The following NCOA1 variants were observed in gnomAD, a reference collection of about 807,000 sequenced individuals.
NCOA1 encodes nuclear receptor coactivator 1.
In NCOA1, 35 loss-of-function variants were observed where a neutral mutation model predicts 150.9. The observed-to-expected ratio is 0.23, with a 90% CI of 0.18 to 0.31. The LOEUF is 0.31. Among genes scored for constraint, NCOA1 ranks in the 10% least tolerant of loss-of-function variants. The pLI is 1.00. For synonymous variants in NCOA1, 590 were observed against 630.0 expected (o/e 0.94, Z 0.95); for missense variants, 1,491 against 1,749.3 (o/e 0.85, Z 2.63).
chr2:24,599,290 A>C (rs998679729), intron 3 of NCOA1, among the ~76,000 whole-genome samples: 1 of 152,242 alleles, frequency 6.6e-6, no homozygotes, highest in Non-Finnish European at 1.5e-5. Context: ...ATTCTGAGAC[A>C]CAAAATATGG....
At chr2:24,648,426 C>T (rs1265278307) in intron 4 of NCOA1, among the ~76,000 whole-genome samples, 1 of 152,116 alleles carries the variant, frequency 6.6e-6, no homozygotes, top group African/African-American at 2.4e-5. Context: ...GCATCCGCCA[C>T]CACACCTGGC....
chr2:24,580,543 C>A (rs1667154226), intron 2 of NCOA1, among the ~76,000 whole-genome samples: 2 of 152,182 alleles, frequency 1.3e-5, no homozygotes, highest in African/African-American at 4.8e-5. Flanking sequence ...TTCCATTCTA[C>A]TGTTGCATCC....
intron 7 of NCOA1, among the ~76,000 whole-genome samples, chr2:24,681,028 T>A (rs1487134580): frequency 6.6e-6 from 1 of 151,332 alleles, no homozygotes; most frequent in Non-Finnish European, 1.5e-5. Context: ...AAAAAAATGA[T>A]TCTTCCAAAC....
chr2:24,682,297 G>A (rs1672211523), intron 7 of NCOA1, among the ~76,000 whole-genome samples: 1 of 152,116 alleles, frequency 6.6e-6, no homozygotes, highest in African/African-American at 2.4e-5. Context: ...CTCTTCCTCG[G>A]GATACCAGGG....
chr2:24,511,226 T>G (rs1195644441), intron 1 of NCOA1, among the ~76,000 whole-genome samples: 1 of 152,236 alleles, frequency 6.6e-6, no homozygotes, highest in Non-Finnish European at 1.5e-5. Context: ...CCATTTTGAC[T>G]ACTATGAATA....
intron 21 of NCOA1, among the ~76,000 whole-genome samples, chr2:24,759,206 T>G (rs1664652593): frequency 6.6e-6 from 1 of 152,120 alleles, no homozygotes; most frequent in Admixed American, 6.5e-5. Flanking sequence ...ACAAAACTGG[T>G]ATGTAAGAGA....
chr2:24,591,432 G>T (rs72805243), intron 3 of NCOA1, among the ~76,000 whole-genome samples: 4 of 152,110 alleles, frequency 2.6e-5, no homozygotes, highest in Non-Finnish European at 5.9e-5. Flanking sequence ...CTTATAGATT[G>T]TTCTAAGACA....
Position 24,705,074 on chromosome 2 carries a change from T to C in NCOA1, c.950-12T>C, listed in dbSNP as rs1361190737. The C allele has an allele frequency of 1.2e-6, 2 of 1,608,760 alleles. No individual in the cohort carries two copies. The highest frequency in any genetic ancestry group is 2.2e-5 in the East Asian group (1 of 44,834). On this transcript the variant is annotated splice_polypyrimidine_tract_variant and intron_variant, in intron 11 of 22. Transcript: ENST00000348332. Reference sequence around the variant, plus strand: ...CAGAATTTTAACTAGGTTTCTCTTCTGTTTGAAACAGTGATGACTCGTGGC... The same window carrying C: ...CAGAATTTTAACTAGGTTTCTCTTCCGTTTGAAACAGTGATGACTCGTGGC...
chr2:24,627,871 G>A (rs975807533), intron 3 of NCOA1, among the ~76,000 whole-genome samples: 3 of 152,198 alleles, frequency 2.0e-5, no homozygotes, highest in Admixed American at 2.0e-4. Context: ...GAGAGAAATT[G>A]TATTGCAGAA....
intron 1 of NCOA1, among the ~76,000 whole-genome samples, chr2:24,532,381 A>T (rs548914348): frequency 6.6e-6 from 1 of 151,836 alleles, no homozygotes; most frequent in African/African-American, 2.4e-5. Context: ...TATTGCAAAA[A>T]TTTTCTTCCA....
chr2:24,498,417 G>A (rs1006251952), intron 1 of NCOA1, among the ~76,000 whole-genome samples: 2 of 152,198 alleles, frequency 1.3e-5, no homozygotes, highest in Non-Finnish European at 1.5e-5. Context: ...AATAGTAATT[G>A]AATGTGATGA....
intron 3 of NCOA1, among the ~76,000 whole-genome samples, chr2:24,619,694 G>T (rs56173157): frequency 0.01 from 1,542 of 152,272 alleles, 8 homozygotes; most frequent in Non-Finnish European, 0.016. Context: ...CAGGGGGACA[G>T]ATTGGTTTTG....
chr2:24,609,497 A>G (rs368149452), intron 3 of NCOA1, among the ~76,000 whole-genome samples: 7 of 152,160 alleles, frequency 4.6e-5, no homozygotes, highest in East Asian at 1.9e-4. Flanking sequence ...GAGCAGGGCC[A>G]TCCCAGCAAC....
intron 14 of NCOA1, among the ~76,000 whole-genome samples, chr2:24,713,507 A>T (rs1476832387): frequency 6.6e-6 from 1 of 152,222 alleles, no homozygotes; most frequent in African/African-American, 2.4e-5. Context: ...GGAATTTTCA[A>T]AGGTAATATT....
intron 3 of NCOA1, among the ~76,000 whole-genome samples, chr2:24,640,727 C>G (rs532995824): frequency 6.6e-6 from 1 of 152,170 alleles, no homozygotes; most frequent in Admixed American, 6.5e-5. Flanking sequence ...TAGTTACATT[C>G]CTAGTCCTGA....
chr2:24,605,474 G>A (rs1408589539), intron 3 of NCOA1, among the ~76,000 whole-genome samples: 1 of 152,144 alleles, frequency 6.6e-6, no homozygotes, highest in Non-Finnish European at 1.5e-5. Flanking sequence ...TTAAGGGTAT[G>A]TGACAGTTTG....
Position 24,729,534 on chromosome 2 carries a change from C to G in NCOA1, c.2920C>G (p.Pro974Ala). 1 of 1,614,074 alleles carries G rather than the reference C, an allele frequency of 6.2e-7. No individual in the cohort carries two copies. Among genetic ancestry groups the G allele is most frequent in the Non-Finnish European group, 8.5e-7 (1 of 1,179,946 alleles). ...ATTAGATGTATTATCAGAGAGATTT[C>G]CACCACAACAAGCAACGCCACCTTT... ...GGLDVLSERFPPQQATPPLIM... is the reference protein window; with the variant it reads ...GGLDVLSERFAPQQATPPLIM... Residue 974 changes from proline (P) to alanine (A), a missense_variant, in exon 17 of 23, where the codon CCA becomes GCA. Physicochemically the swap from Pro to Ala is conservative, Grantham distance 27. Coordinates refer to ENST00000348332, the MANE Select transcript of NCOA1 (RefSeq NM_003743.5).
intron 1 of NCOA1, among the ~76,000 whole-genome samples, chr2:24,505,367 C>T (rs930154186): frequency 3.9e-5 from 6 of 151,938 alleles, no homozygotes; most frequent in South Asian, 2.1e-4. Context: ...TTAGTAGAGA[C>T]GGGGTTTCTC....
rs574773612 is a variant in NCOA1 at position 24,543,858 on chromosome 2, TTTAATAATG to T, written c.-395-20436_-395-20428del. ...GAGGAATGGGAATCTATTGAAATAT[TTTAATAATG>T]AAAAGTGATATGATCTGGTTTGTTT... is the stretch of plus-strand genomic sequence containing the variant. On this transcript the variant is annotated intron_variant, in intron 1 of 22. Coordinates refer to ENST00000348332, the MANE Select transcript of NCOA1 (RefSeq NM_003743.5). Among the ~76,000 whole-genome samples, 470 of 152,300 alleles carry T rather than the reference TTTAATAATG, an allele frequency of 3.1e-3. 4 individuals carry two copies. Among genetic ancestry groups the T allele is most frequent in the Middle Eastern group, 0.02 (6 of 294 alleles).
Sources: allele counts gnomAD v4.1 joint callset (sites outside exome capture counted in the v4.1 genomes callset), GRCh38; gene constraint gnomAD v4.1.1; transcripts MANE v1.5; gene names NCBI Gene and HGNC (gene_info 2026-07-23, HGNC 2026-07-21).